GCNT2: variants seen among roughly 807,000 people sequenced by gnomAD.
GCNT2 encodes glucosaminyl (N-acetyl) transferase 2 (I blood group), also known as N-acetyllactosaminide beta-1,6-N-acetylglucosaminyl-transferase.
In GCNT2, 34 loss-of-function variants were observed where a neutral mutation model predicts 34.2. That is an observed-to-expected ratio of 1.00 (90% CI 0.76 to 1.32). The LOEUF is 1.32. Among genes scored for constraint, GCNT2 ranks in the 40% most tolerant of loss-of-function variants. The probability of loss-of-function intolerance (pLI) is 0.00; values close to 1 mark genes in which losing one functional copy is unlikely to be tolerated. For missense variants in GCNT2, 584 were observed against 489.4 expected (o/e 1.19, Z -1.82); for synonymous variants, 212 against 188.0 (o/e 1.13, Z -1.04).
Position 10,545,638 on chromosome 6 carries a change from C to A in GCNT2, c.925+15802C>A, listed in dbSNP as rs144937497. Reference sequence around the variant, plus strand: ...GTTTTCATGAAGGGTAAATCAGTCACCCTTGTAGAATTTTCCATTCAAATC... The same window carrying A: ...GTTTTCATGAAGGGTAAATCAGTCAACCTTGTAGAATTTTCCATTCAAATC... On this transcript the variant is annotated intron_variant, in intron 3 of 4. Coordinates refer to ENST00000495262, the MANE Select transcript of GCNT2 (RefSeq NM_145649.5). 3.4e-3 allele frequency among the ~76,000 whole-genome samples: 522 copies of A among 152,290 alleles called. 3 individuals carry two copies. The highest frequency in any genetic ancestry group is 0.012 in the African/African-American group (505 of 41,550).
chr6:10,623,098 C>G (rs1356494433), intron 4 of GCNT2, among the ~76,000 whole-genome samples: 1 of 151,900 alleles, frequency 6.6e-6, no homozygotes, highest in Non-Finnish European at 1.5e-5. Flanking sequence ...GTGAAAATCT[C>G]CAAGTTGCTC....
At chr6:10,573,158 T>C in intron 3 of GCNT2, 1 of 944,068 alleles carries the variant, frequency 1.1e-6, no homozygotes, top group Non-Finnish European at 1.2e-6. Context: ...GATGGGATGT[T>C]CTAGATATGG....
In GCNT2 at chr6:10,583,868, C is replaced by G. The variant is rs76222777; in HGVS notation, c.926-37483C>G. Among the ~76,000 whole-genome samples the G allele has an allele frequency of 3.0e-3, 461 of 152,230 alleles. 3 individuals carry two copies. The highest frequency in any genetic ancestry group is 0.011 in the African/African-American group (444 of 41,542). ...CTGAAGCTCTCTTTGTGAAATGGGA[C>G]CCAACTTTTGCTCTCTGGGAACACT... On this transcript the variant is annotated intron_variant, in intron 3 of 4. Transcript: ENST00000495262.
At chr6:10,609,567 T>C (rs189320932) in intron 3 of GCNT2, among the ~76,000 whole-genome samples, 1 of 152,274 alleles carries the variant, frequency 6.6e-6, no homozygotes, top group Admixed American at 6.5e-5. Flanking sequence ...GAGGGCAAGA[T>C]TGTAAAAGCT....
At chr6:10,577,820 C>T (rs1218058741) in intron 3 of GCNT2, among the ~76,000 whole-genome samples, 1 of 152,006 alleles carries the variant, frequency 6.6e-6, no homozygotes, top group Non-Finnish European at 1.5e-5. Flanking sequence ...GAATTACAGG[C>T]GTGAGCTGCT....
intron 3 of GCNT2, among the ~76,000 whole-genome samples, chr6:10,553,381 A>T (rs549735061): frequency 6.6e-6 from 1 of 152,308 alleles, no homozygotes; most frequent in South Asian, 2.1e-4. Context: ...GCAAACTCTC[A>T]GTGTCATCTG....
chr6:10,626,663 G>T lies in GCNT2; in HGVS notation c.*56G>T. The T allele has an allele frequency of 2.3e-6, 3 of 1,324,606 alleles. No individual in the cohort carries two copies. Among genetic ancestry groups the T allele is most frequent in the Admixed American group, 3.4e-5 (2 of 59,000 alleles). The allele number at this position is 1,324,606 out of a possible 1,614,324, so 82.1% of individuals were successfully genotyped here. On this transcript the variant is annotated 3_prime_UTR_variant, in exon 5 of 5. Coordinates refer to ENST00000495262, the MANE Select transcript of GCNT2 (RefSeq NM_145649.5). ...AAACTGCAGCTGGGAAGAGGAGCCT[G>T]TTTTTGTGAGAGACTTTTGCCTTCG...
At chr6:10,556,209 A>T in intron 3 of GCNT2, 10 of 1,423,868 alleles carry the variant, frequency 7.0e-6, no homozygotes, top group Non-Finnish European at 9.1e-6. Context: ...TAAACAAAGG[A>T]GGTTTGAGAG....
intron 3 of GCNT2, chr6:10,586,505 C>G (rs904351540): frequency 6.2e-7 from 1 of 1,614,108 alleles, no homozygotes. Flanking sequence ...CTGACCTGAA[C>G]TGTCTGAAAG....
In GCNT2 at chr6:10,607,688, C is replaced by T. The variant is rs529028147; in HGVS notation, c.926-13663C>T. ...TATAATTTATTTAGAAAAGCCCTAA[C>T]TTACAGACATTTGGGGGGTCTTATT... On this transcript the variant is annotated intron_variant, in intron 3 of 4. Coordinates refer to ENST00000495262, the MANE Select transcript of GCNT2 (RefSeq NM_145649.5). 3.6e-5 allele frequency among the ~76,000 whole-genome samples: 4 copies of T among 111,078 alleles called. No individual in the cohort carries two copies. In the East Asian group the frequency reaches 7.8e-4, roughly 22 times the overall value. The allele number at this position is 111,078 out of a possible 152,430, so 72.9% of individuals were successfully genotyped here. A position where few individuals can be genotyped will look rare whatever the true frequency, so the allele number is the denominator to read the frequency against.
At chr6:10,535,034 A>AT (rs1292309828) in intron 3 of GCNT2, among the ~76,000 whole-genome samples, 2 of 152,038 alleles carry the variant, frequency 1.3e-5, no homozygotes, top group African/African-American at 4.8e-5. Context: ...AAATGCAAAA[A>AT]TTAACCGGGT....
chr6:10,523,471 C>G (rs1242418380), intron 1 of GCNT2, among the ~76,000 whole-genome samples: 1 of 151,722 alleles, frequency 6.6e-6, no homozygotes, highest in Non-Finnish European at 1.5e-5. Context: ...CTTATAGTTT[C>G]CTATTACTTT....
chr6:10,558,915 G>T (rs902486248), intron 3 of GCNT2, among the ~76,000 whole-genome samples: 2 of 152,104 alleles, frequency 1.3e-5, no homozygotes, highest in African/African-American at 2.4e-5. Context: ...AGGAGCATTA[G>T]GTACTTAGGA....
rs575676070 is a variant in GCNT2 at position 10,523,790 on chromosome 6, G to A, written c.-469+2373G>A. ...GATCGAGACCATCCTGGCTAACACG[G>A]TGAAACCCCGTCTCTATTAAAAATA... On this transcript the variant is annotated intron_variant, in intron 1 of 4. Transcript: ENST00000495262. 3.9e-5 allele frequency among the ~76,000 whole-genome samples: 6 copies of A among 152,016 alleles called. 1 individual carries two copies. In the East Asian group the frequency reaches 9.8e-4, roughly 25 times the overall value.
chr6:10,597,057 G>C (rs1234815502), intron 3 of GCNT2, among the ~76,000 whole-genome samples: 1 of 150,840 alleles, frequency 6.6e-6, no homozygotes, highest in Non-Finnish European at 1.5e-5. Flanking sequence ...CACTGAACAA[G>C]TTATTTAACC....
intron 3 of GCNT2, among the ~76,000 whole-genome samples, chr6:10,564,585 G>T (rs1354553259): frequency 6.6e-6 from 1 of 152,146 alleles, no homozygotes; most frequent in Admixed American, 6.5e-5. Flanking sequence ...GGCACAGATG[G>T]CAGAAGCCTG....
chr6:10,622,161 T>G (rs1418902818), intron 4 of GCNT2, among the ~76,000 whole-genome samples: 1 of 152,168 alleles, frequency 6.6e-6, no homozygotes, highest in Non-Finnish European at 1.5e-5. Flanking sequence ...AAATCCTAAG[T>G]CATTTCCATT....
At chr6:10,556,704 C>T (rs1419609439) in intron 3 of GCNT2, 3 of 1,614,046 alleles carry the variant, frequency 1.9e-6, no homozygotes, top group Non-Finnish European at 2.5e-6. Flanking sequence ...GCTGACTTTC[C>T]CTTGGCATAT....
chr6:10,606,121 C>T (rs1765301144), intron 3 of GCNT2, among the ~76,000 whole-genome samples: 1 of 152,230 alleles, frequency 6.6e-6, no homozygotes, highest in African/African-American at 2.4e-5. Flanking sequence ...TTGAGACCAG[C>T]CTGGCCAACT....
Sources: allele counts gnomAD v4.1 joint callset (sites outside exome capture counted in the v4.1 genomes callset), GRCh38; gene constraint gnomAD v4.1.1; transcripts MANE v1.5; gene names NCBI Gene and HGNC (gene_info 2026-07-23, HGNC 2026-07-21).